The following FGF14 variants were observed in gnomAD, a reference collection of about 807,000 sequenced individuals.
The protein encoded by FGF14 is fibroblast growth factor homologous factor 4.
A neutral mutation model predicts 25.5 loss-of-function variants in FGF14; 5 were observed. That is an observed-to-expected ratio of 0.20 (90% CI 0.10 to 0.41). FGF14 has a LOEUF of 0.41. FGF14 is among the 10% of genes least tolerant of loss of function. The pLI is 1.00. For missense variants in FGF14, 222 were observed against 320.1 expected (o/e 0.69, Z 2.34); for synonymous variants, 138 against 118.3 (o/e 1.17, Z -1.08).
At chr13:102,034,951 C>T (rs545229186) in intron 1 of FGF14, among the ~76,000 whole-genome samples, 2 of 152,232 alleles carry the variant, frequency 1.3e-5, no homozygotes, top group Admixed American at 1.3e-4. Flanking sequence ...AGTCAAGCAT[C>T]TGGGCTGGAA....
chr13:101,959,170 G>C (rs1267620221), intron 1 of FGF14, among the ~76,000 whole-genome samples: 2 of 152,164 alleles, frequency 1.3e-5, no homozygotes, highest in Non-Finnish European at 2.9e-5. Flanking sequence ...AATAGGGTTA[G>C]TGTTCTATGA....
intron 1 of FGF14, among the ~76,000 whole-genome samples, chr13:102,199,388 G>A (rs910145558): frequency 1.3e-5 from 2 of 152,168 alleles, no homozygotes; most frequent in Non-Finnish European, 2.9e-5. Flanking sequence ...TAAATGCTAG[G>A]TGGTGAGTTG....
intron 1 of FGF14, among the ~76,000 whole-genome samples, chr13:102,282,162 G>A (rs959828691): frequency 1.3e-5 from 2 of 150,882 alleles, no homozygotes; most frequent in Admixed American, 6.6e-5. Flanking sequence ...TGCCTCCTAA[G>A]TTCAAGAGAT....
At chr13:102,364,850 C>G (rs2057664497) in intron 1 of FGF14, among the ~76,000 whole-genome samples, 1 of 152,088 alleles carries the variant, frequency 6.6e-6, no homozygotes, top group Admixed American at 6.6e-5. Context: ...GGAGAAATGT[C>G]CAAAAAACTG....
chr13:101,948,249 T>C (rs1402449875), intron 1 of FGF14, among the ~76,000 whole-genome samples: 2 of 152,278 alleles, frequency 1.3e-5, no homozygotes, highest in East Asian at 3.9e-4. Context: ...GTCATCCACA[T>C]GTATTTTGAA....
At chr13:102,394,931 C>T (rs1315275534) in intron 1 of FGF14, 1 of 152,592 alleles carries the variant, frequency 6.6e-6, no homozygotes, top group Non-Finnish European at 1.5e-5. Flanking sequence ...GGCCTGGGCC[C>T]AGAGCCGTGG....
chr13:102,299,324 C>A (rs2054901402), intron 1 of FGF14, among the ~76,000 whole-genome samples: 1 of 151,888 alleles, frequency 6.6e-6, no homozygotes. Flanking sequence ...ACTTGAGAAA[C>A]CAATCCAGGG....
intron 1 of FGF14, among the ~76,000 whole-genome samples, chr13:102,158,160 C>A (rs2047437776): frequency 6.6e-6 from 1 of 152,174 alleles, no homozygotes; most frequent in Non-Finnish European, 1.5e-5. Context: ...ACCCAGCAAT[C>A]CCTTACTGGG....
chr13:101,726,928 G>A (rs1415283435), intron 3 of FGF14, 118 bp from the exon 4 acceptor site: 14 of 704,376 alleles, frequency 2.0e-5, no homozygotes, highest in Admixed American at 4.8e-5. Flanking sequence ...ATGGAGGACC[G>A]GATATACCCC....
chr13:102,249,485 C>T (rs1296129807), intron 1 of FGF14, among the ~76,000 whole-genome samples: 1 of 151,986 alleles, frequency 6.6e-6, no homozygotes, highest in African/African-American at 2.4e-5. Context: ...GCAGACAGTG[C>T]GGAATGCAGA....
chr13:102,328,416 A>C (rs998842174), intron 1 of FGF14, among the ~76,000 whole-genome samples: 1 of 152,218 alleles, frequency 6.6e-6, no homozygotes. Flanking sequence ...TATCTTCCAT[A>C]TTTCTAGAAA....
intron 3 of FGF14, among the ~76,000 whole-genome samples, chr13:101,756,959 A>G (rs2139877305): frequency 6.6e-6 from 1 of 152,234 alleles, no homozygotes; most frequent in East Asian, 1.9e-4. Flanking sequence ...GCAAATTTTG[A>G]GTTGAAATTT....
At chr13:102,308,916 C>CAAAAAAA (rs71125061) in intron 1 of FGF14, among the ~76,000 whole-genome samples, 6 of 61,988 alleles carry the variant, frequency 9.7e-5, no homozygotes, top group African/African-American at 4.4e-4. Flanking sequence ...GTTTCTTATA[C>CAAAAAAA]AAAAAAAAAA....
chr13:102,266,028 T>A (rs1237630290), intron 1 of FGF14, among the ~76,000 whole-genome samples: 3 of 151,968 alleles, frequency 2.0e-5, no homozygotes, highest in Non-Finnish European at 4.4e-5. Context: ...AAAAAAAGAC[T>A]AAGAAGACTA....
intron 3 of FGF14, among the ~76,000 whole-genome samples, chr13:101,732,001 A>C (rs1210991109): frequency 6.6e-6 from 1 of 152,214 alleles, no homozygotes; most frequent in African/African-American, 2.4e-5. Context: ...AGGACTTTCC[A>C]ACCTAAGTAA....
At chr13:101,736,296 T>C (rs1340485605) in intron 3 of FGF14, among the ~76,000 whole-genome samples, 1 of 152,160 alleles carries the variant, frequency 6.6e-6, no homozygotes, top group Non-Finnish European at 1.5e-5. Context: ...AAAAGAGAAA[T>C]AATAAAATAT....
intron 1 of FGF14, among the ~76,000 whole-genome samples, chr13:102,376,466 T>C (rs1462737683): frequency 6.6e-6 from 1 of 152,202 alleles, no homozygotes; most frequent in Non-Finnish European, 1.5e-5. Flanking sequence ...TTCCACTGTC[T>C]GCCTCTCCTC....
chr13:101,871,063 A>G (rs2045047218), intron 2 of FGF14, among the ~76,000 whole-genome samples: 1 of 152,178 alleles, frequency 6.6e-6, no homozygotes, highest in Admixed American at 6.5e-5. Context: ...TATGTACACT[A>G]AAATGTGGAG....
chr13:102,204,916 A>G (rs987873622), intron 1 of FGF14, among the ~76,000 whole-genome samples: 1 of 152,206 alleles, frequency 6.6e-6, no homozygotes, highest in African/African-American at 2.4e-5. Flanking sequence ...TGGCAACACA[A>G]GGAGATAAAG....
Sources: gnomAD v4.1 joint callset for allele counts (sites outside exome capture counted in the v4.1 genomes callset) on GRCh38, gnomAD v4.1.1 for gene constraint, MANE v1.5 for transcripts, NCBI Gene and HGNC (gene_info 2026-07-23, HGNC 2026-07-21) for gene names.